Variants in KCND2 observed in about 807,000 individuals in gnomAD.
The protein encoded by KCND2 is A-type voltage-gated potassium channel KCND2.
Under a neutral mutation model 54.4 loss-of-function variants are expected in KCND2, and 16 were observed. That is an observed-to-expected ratio of 0.29 (90% CI 0.20 to 0.45). KCND2 has a LOEUF of 0.45. Among genes scored for constraint, KCND2 ranks in the 20% least tolerant of loss-of-function variants. KCND2 has a pLI of 1.00. For missense variants in KCND2, 486 were observed against 824.2 expected (o/e 0.59, Z 5.02); for synonymous variants, 317 against 310.7 (o/e 1.02, Z -0.21).
chr7:120,741,389 G>A, intron 2 of KCND2, 145 bp from the exon 3 acceptor site: 1 of 670,750 alleles, frequency 1.5e-6, no homozygotes, highest in Non-Finnish European at 2.7e-6. Flanking sequence ...AAAAGGTAGA[G>A]AGGTAATTTT....
chr7:120,721,257 A>G (rs1347400943), intron 1 of KCND2, among the ~76,000 whole-genome samples: 1 of 152,212 alleles, frequency 6.6e-6, no homozygotes, highest in Non-Finnish European at 1.5e-5. Flanking sequence ...GTAGAACTAT[A>G]GAGGTAGAGT....
chr7:120,631,204 A>T lies in KCND2; in HGVS notation c.1116-101699A>T, dbSNP rs560716218. ...AATAGTATTCTTATCATCTTTATCTATTGAGTCATTATCAATCCAAATATT... is the reference window on the plus strand; with the variant it reads ...AATAGTATTCTTATCATCTTTATCTTTTGAGTCATTATCAATCCAAATATT... On this transcript the variant is annotated intron_variant, in intron 1 of 5. Transcript: ENST00000331113. 9.7e-4 allele frequency among the ~76,000 whole-genome samples: 148 copies of T among 152,212 alleles called. 1 individual carries two copies. The highest frequency in any genetic ancestry group is 3.4e-3 in the African/African-American group (143 of 41,566).
At chr7:120,663,606 A>G (rs10262473) in intron 1 of KCND2, among the ~76,000 whole-genome samples, 3,003 of 152,310 alleles carry the variant, frequency 0.02, 91 homozygotes, top group African/African-American at 0.067. Flanking sequence ...CATCTCCCTG[A>G]GATAACCAGT....
chr7:120,451,079 C>A (rs1378561958), intron 1 of KCND2, among the ~76,000 whole-genome samples: 1 of 152,182 alleles, frequency 6.6e-6, no homozygotes, highest in Non-Finnish European at 1.5e-5. Flanking sequence ...AAAGCATCAC[C>A]TACCCTCTTA....
intron 1 of KCND2, among the ~76,000 whole-genome samples, chr7:120,608,933 A>T (rs1792917003): frequency 6.6e-6 from 1 of 152,142 alleles, no homozygotes; most frequent in South Asian, 2.1e-4. Context: ...GTAACTGACC[A>T]GTTAAATGGT....
rs574890868 is a variant in KCND2, at chr7:120,667,817, G to T, written c.1116-65086G>T. Among the ~76,000 whole-genome samples the T allele has an allele frequency of 5.9e-4, 89 of 152,054 alleles. 1 individual carries two copies. The highest frequency in any genetic ancestry group is 2.0e-3 in the African/African-American group (83 of 41,502). ...AAAATAAAACGAGAACAAAGAGATGGTTGTGACAGACATGTCACTCTACCC... is the reference window on the plus strand; with the variant it reads ...AAAATAAAACGAGAACAAAGAGATGTTTGTGACAGACATGTCACTCTACCC... On this transcript the variant is annotated intron_variant, in intron 1 of 5. Coordinates refer to ENST00000331113, the MANE Select transcript of KCND2 (RefSeq NM_012281.3).
intron 3 of KCND2, 21 bp downstream of exon 3, chr7:120,741,650 T>C: frequency 6.7e-7 from 1 of 1,491,288 alleles, no homozygotes; most frequent in Non-Finnish European, 9.4e-7. Context: ...TTACATCTCT[T>C]TTTTTAATGT....
At chr7:120,493,779 G>C (rs931903063) in intron 1 of KCND2, among the ~76,000 whole-genome samples, 3 of 152,048 alleles carry the variant, frequency 2.0e-5, no homozygotes, top group African/African-American at 7.2e-5. Context: ...AGTGGAAACT[G>C]GTACCACCAC....
chr7:120,668,397 G>C (rs1415355757), intron 1 of KCND2, among the ~76,000 whole-genome samples: 1 of 142,140 alleles, frequency 7.0e-6, no homozygotes, highest in African/African-American at 2.8e-5. Context: ...AGGAAAAAAA[G>C]AGTGAAAGGG....
intron 1 of KCND2, among the ~76,000 whole-genome samples, chr7:120,565,595 G>C (rs4727908): frequency 0.068 from 10,316 of 152,222 alleles, 518 homozygotes; most frequent in Non-Finnish European, 0.1. Flanking sequence ...CTGGATGTAA[G>C]AGTAATTCTG....
intron 1 of KCND2, among the ~76,000 whole-genome samples, chr7:120,565,377 G>A (rs1792284020): frequency 6.6e-6 from 1 of 152,148 alleles, no homozygotes; most frequent in Non-Finnish European, 1.5e-5. Context: ...AGAAAAGAGA[G>A]GGAATGAAAC....
At chr7:120,314,069 C>CAA (rs555042766) in intron 1 of KCND2, among the ~76,000 whole-genome samples, 7 of 85,254 alleles carry the variant, frequency 8.2e-5, no homozygotes, top group African/African-American at 2.9e-4. Context: ...AGTGTAAATA[C>CAA]AAAAAAAAAA....
At chr7:120,289,077 CAGAGAG>C (rs112703117) in intron 1 of KCND2, among the ~76,000 whole-genome samples, 2,490 of 20,860 alleles carry the variant, frequency 0.12, 63 homozygotes, top group Middle Eastern at 0.33. Flanking sequence ...CACACACACA[CAGAGAG>C]AGAGAGAGAG....
chr7:120,374,945 C>T (rs536526033), intron 1 of KCND2, among the ~76,000 whole-genome samples: 30 of 151,898 alleles, frequency 2.0e-4, no homozygotes, highest in Admixed American at 5.9e-4. Context: ...TTTACACTGT[C>T]GCTGGCCCTT....
intron 1 of KCND2, among the ~76,000 whole-genome samples, chr7:120,458,524 A>G (rs1196991360): frequency 6.6e-6 from 1 of 152,218 alleles, no homozygotes; most frequent in African/African-American, 2.4e-5. Flanking sequence ...GAAAATGGAA[A>G]TGAGCAGTTC....
chr7:120,429,137 AG>A (rs1334942625), intron 1 of KCND2, among the ~76,000 whole-genome samples: 1 of 152,164 alleles, frequency 6.6e-6, no homozygotes, highest in African/African-American at 2.4e-5. Context: ...ACAGACCTCT[AG>A]GGGGTCCCTA....
chr7:120,691,579 G>A (rs1792269393), intron 1 of KCND2, among the ~76,000 whole-genome samples: 2 of 152,062 alleles, frequency 1.3e-5, no homozygotes, highest in Admixed American at 6.6e-5. Context: ...TGAAGGGGAG[G>A]ATTAGGAGTG....
chr7:120,330,274 G>A (rs1250510854), intron 1 of KCND2, among the ~76,000 whole-genome samples: 1 of 152,006 alleles, frequency 6.6e-6, no homozygotes, highest in Non-Finnish European at 1.5e-5. Flanking sequence ...ATACTCAAGT[G>A]CCTGGCGCAT....
At chr7:120,686,989 T>C (rs1792210482) in intron 1 of KCND2, among the ~76,000 whole-genome samples, 2 of 152,284 alleles carry the variant, frequency 1.3e-5, no homozygotes, top group Non-Finnish European at 2.9e-5. Context: ...CACCTGACAA[T>C]CACCTGATGG....
Sources: gnomAD v4.1 joint callset for allele counts (sites outside exome capture counted in the v4.1 genomes callset) on GRCh38, gnomAD v4.1.1 for gene constraint, MANE v1.5 for transcripts, NCBI Gene and HGNC (gene_info 2026-07-23, HGNC 2026-07-21) for gene names.